The following TOP1MT variants were observed in gnomAD, a reference collection of about 807,000 sequenced individuals.
The protein encoded by TOP1MT is DNA topoisomerase I mitochondrial, also known as DNA topoisomerase I, mitochondrial.
A neutral mutation model predicts 73.9 loss-of-function variants in TOP1MT; 80 were observed. That is an observed-to-expected ratio of 1.08 (90% CI 0.90 to 1.30). TOP1MT has a LOEUF of 1.30. Ranked by LOEUF, TOP1MT falls within the 50% of genes most tolerant of loss-of-function variation. The pLI is 0.00. For synonymous variants in TOP1MT, 338 were observed against 326.4 expected, an observed-to-expected ratio of 1.04 and a Z score of -0.38; for missense variants, 815 against 808.0, an observed-to-expected ratio of 1.01 and a Z score of -0.10.
intron 1 of TOP1MT, among the ~76,000 whole-genome samples, chr8:143,350,969 G>C (rs924251042): frequency 6.6e-6 from 1 of 152,048 alleles, no homozygotes; most frequent in Non-Finnish European, 1.5e-5. Context: ...GACCTACTTA[G>C]TCCAGTTTCA....
chr8:143,338,052 T>G (rs1201562513), upstream of TOP1MT, among the ~76,000 whole-genome samples: 1 of 152,164 alleles, frequency 6.6e-6, no homozygotes, highest in Non-Finnish European at 1.5e-5. Flanking sequence ...AGCCCGGATC[T>G]TGAGAGGCGA....
At chr8:143,343,051 A>G (rs7817165) in intron 2 of TOP1MT, 314,096 of 396,882 alleles carry the variant, frequency 0.79, 124,901 homozygotes, top group South Asian at 0.88. Context: ...ATGAGCCACC[A>G]CGCCTGGCCT....
chr8:143,338,971 G>T (rs1817028284), upstream of TOP1MT, among the ~76,000 whole-genome samples: 1 of 152,234 alleles, frequency 6.6e-6, no homozygotes, highest in Non-Finnish European at 1.5e-5. Flanking sequence ...CAGGTAGGAG[G>T]ACCCCTGTTT....
chr8:143,353,963 CAAAAAAAAAAAAA>C (rs1186472770), intron 1 of TOP1MT, among the ~76,000 whole-genome samples: 13 of 47,626 alleles, frequency 2.7e-4, no homozygotes, highest in Middle Eastern at 0.024. Context: ...GACTCCATCC[CAAAAAAAAAAAAA>C]AAAAAAAAAA....
chr8:143,322,221 G>A (rs368241615), intron 7 of TOP1MT, among the ~76,000 whole-genome samples: 1 of 14,130 alleles, frequency 7.1e-5, no homozygotes, highest in African/African-American at 1.7e-4. Context: ...GCCACACACA[G>A]GCACGCCACA....
intron 7 of TOP1MT, among the ~76,000 whole-genome samples, chr8:143,321,993 T>G (rs1204168199): frequency 1.9e-4 from 4 of 21,214 alleles, no homozygotes; most frequent in South Asian, 3.6e-3. Flanking sequence ...GCCACACACA[T>G]GCACGCCACA....
rs572673286 is a variant in TOP1MT, at chr8:143,322,152, C to T, written c.961-766G>A. 2.0e-3 allele frequency among the ~76,000 whole-genome samples: 234 copies of T among 114,642 alleles called. 4 individuals are homozygous for T. Among genetic ancestry groups the T allele is most frequent in the African/African-American group, 7.2e-3 (222 of 30,786 alleles). The allele number at this position is 114,642 out of a possible 152,430, so 75.2% of individuals were successfully genotyped here. A position where few individuals can be genotyped will look rare whatever the true frequency, so the allele number is the denominator to read the frequency against. On this transcript the variant is annotated intron_variant, in intron 7 of 13. Coordinates refer to ENST00000329245, the MANE Select transcript of TOP1MT (RefSeq NM_052963.3). ...AGGCACGCCACACAGGCACGCCACA[C>T]GCACGCCACACACGCATGCCACACG...
chr8:143,328,430 T>C (rs974610472), intron 3 of TOP1MT: 2 of 381,552 alleles, frequency 5.2e-6, no homozygotes, highest in African/African-American at 4.2e-5. Context: ...GACACGTCAG[T>C]ACACCAAAAG....
chr8:143,323,439 C>CAG (rs1324381996), intron 7 of TOP1MT, among the ~76,000 whole-genome samples: 2 of 116,622 alleles, frequency 1.7e-5, no homozygotes, highest in Non-Finnish European at 1.7e-5. Context: ...ACGCCACACA[C>CAG]GCACGCCACA....
At chr8:143,349,640 C>CTTTTTTTT (rs112290042), upstream of TOP1MT, among the ~76,000 whole-genome samples, 1 of 145,956 alleles carries the variant, frequency 6.9e-6, no homozygotes, top group African/African-American at 2.6e-5. Flanking sequence ...CATCTGTACA[C>CTTTTTTTT]TTTTTTTTTT....
intron 7 of TOP1MT, among the ~76,000 whole-genome samples, chr8:143,322,959 C>T (rs1349892638): frequency 5.8e-5 from 7 of 119,934 alleles, no homozygotes; most frequent in African/African-American, 9.0e-5. Context: ...ACGCCACACA[C>T]GCACGCCACA....
At chr8:143,358,080 G>C (rs574673311), upstream of TOP1MT, among the ~76,000 whole-genome samples, 11 of 152,110 alleles carry the variant, frequency 7.2e-5, no homozygotes, top group Non-Finnish European at 1.5e-4. Context: ...GCAAGACTCT[G>C]TCTCTACACA....
chr8:143,345,198 C>T (rs1454612248), upstream of TOP1MT, among the ~76,000 whole-genome samples: 1 of 152,216 alleles, frequency 6.6e-6, no homozygotes, highest in Non-Finnish European at 1.5e-5. Context: ...TACCACACTG[C>T]AGGCACCAGC....
Position 143,321,299 on chromosome 8 carries a change from G to A in TOP1MT, c.1048C>T (p.Leu350=), listed in dbSNP as rs1184000910. The A allele has an allele frequency of 6.2e-7, 1 of 1,612,616 alleles. No individual in the cohort carries two copies. The highest frequency in any genetic ancestry group is 1.1e-5 in the South Asian group (1 of 91,018). ...TGGCAGCCATCGGCCTCCGGGTGCAGCTGGACGTGCTCCACGCGGAGGGAA... is the reference window on the plus strand; with the variant it reads ...TGGCAGCCATCGGCCTCCGGGTGCAACTGGACGTGCTCCACGCGGAGGGAA... ...CCSLRVEHVQ[L]HPEADGCQHV... is the part of the protein sequence containing the mutation. Residue 350 remains leucine, a synonymous_variant, in exon 8 of 14, where the codon CTG becomes TTG. Transcript: ENST00000329245.
chr8:143,315,118 A>AG (rs1816120195), intron 12 of TOP1MT, among the ~76,000 whole-genome samples: 1 of 151,950 alleles, frequency 6.6e-6, no homozygotes, highest in African/African-American at 2.4e-5. Context: ...CCCTTTCCCC[A>AG]GGGGAGTTTA....
intron 7 of TOP1MT, among the ~76,000 whole-genome samples, chr8:143,322,165 C>CAG (rs1816442030): frequency 2.1e-5 from 2 of 96,740 alleles, no homozygotes; most frequent in Non-Finnish European, 2.1e-5. Flanking sequence ...ACGCCACACA[C>CAG]GCATGCCACA....
chr8:143,310,039 G>A (rs778592273), intron 13 of TOP1MT, 29 bp downstream of exon 13: 3 of 1,607,548 alleles, frequency 1.9e-6, no homozygotes, highest in East Asian at 4.5e-5. Flanking sequence ...TAGGCCACAG[G>A]TGGGAACTGA....
In TOP1MT at chr8:143,341,873, CCTTCTT is replaced by C. The variant is rs36196322; in HGVS notation, c.29+1341_29+1346del. Among the ~76,000 whole-genome samples, 8 of 150,514 alleles carry C rather than the reference CCTTCTT, an allele frequency of 5.3e-5. No individual in the cohort carries two copies. The highest frequency in any genetic ancestry group is 2.0e-4 in the African/African-American group (8 of 40,062). Reference sequence around the variant, plus strand: ...CCTCCTCCTTCCTCTTTCTCCTCCCCCTTCTTCTTCTTCTTATTAGCGACAGAGTCT... The same window carrying C: ...CCTCCTCCTTCCTCTTTCTCCTCCCCCTTCTTCTTATTAGCGACAGAGTCT... On this transcript the variant is annotated intron_variant, in intron 2 of 5. Transcript: ENST00000518007. This position sits in a 1 kb window ranked among gnomAD's most constrained non-coding sequence, Gnocchi z 4.1.
intron 8 of TOP1MT, 112 bp downstream of exon 8, chr8:143,321,089 A>C (rs1816326378): frequency 8.9e-7 from 1 of 1,126,838 alleles, no homozygotes; most frequent in Non-Finnish European, 1.2e-6. Context: ...CTCACCCAGC[A>C]GGCAGGACGT....
Sources: allele counts gnomAD v4.1 joint callset (sites outside exome capture counted in the v4.1 genomes callset), GRCh38; gene constraint gnomAD v4.1.1; non-coding constraint Gnocchi (gnomAD v3.1); transcripts MANE v1.5; gene names NCBI Gene and HGNC (gene_info 2026-07-23, HGNC 2026-07-21).